EXD3: variants seen among roughly 807,000 people sequenced by gnomAD.
The protein encoded by EXD3 is exonuclease 3'-5' domain containing 3, also known as exonuclease mut-7 homolog.
EXD3 carries 92 observed loss-of-function variants against 98.0 expected under a neutral mutation model. That is an observed-to-expected ratio of 0.94 (90% CI 0.79 to 1.12). The LOEUF is 1.12. EXD3 is among the 50% of genes most tolerant of loss of function. The pLI is 0.00. For missense variants in EXD3, 1,222 were observed against 1,191.6 expected, an observed-to-expected ratio of 1.03 and a Z score of -0.38; for synonymous variants, 569 against 526.0, an observed-to-expected ratio of 1.08 and a Z score of -1.12.
chr9:137,333,399 C>G (rs1450597831), intron 17 of EXD3, among the ~76,000 whole-genome samples: 1 of 152,208 alleles, frequency 6.6e-6, no homozygotes, highest in Non-Finnish European at 1.5e-5. Context: ...TTCGTATGCA[C>G]ATCTATCCTA....
chr9:137,398,547 C>T (rs1490343033), intron 1 of EXD3, among the ~76,000 whole-genome samples: 1 of 151,226 alleles, frequency 6.6e-6, no homozygotes. Context: ...CAACCGCGTC[C>T]CCAAGACACA....
intron 19 of EXD3, among the ~76,000 whole-genome samples, chr9:137,314,807 C>A (rs1439649790): frequency 6.6e-6 from 1 of 152,186 alleles, no homozygotes; most frequent in Non-Finnish European, 1.5e-5. Context: ...ACCCCAGAGC[C>A]CCCAAAAGCC....
intron 1 of EXD3, among the ~76,000 whole-genome samples, chr9:137,411,787 C>T (rs1211058280): frequency 2.0e-5 from 3 of 151,586 alleles, no homozygotes; most frequent in South Asian, 2.1e-4. Flanking sequence ...TTCCTGTGGC[C>T]GCGGTGCACA....
chr9:137,356,659 C>T (rs770094006), intron 7 of EXD3, among the ~76,000 whole-genome samples: 1 of 152,152 alleles, frequency 6.6e-6, no homozygotes, highest in African/African-American at 2.4e-5. Flanking sequence ...GGTGGACTCC[C>T]GAAATAACAG....
chr9:137,410,217 G>A (rs935376926), intron 1 of EXD3, among the ~76,000 whole-genome samples: 2 of 151,826 alleles, frequency 1.3e-5, no homozygotes, highest in African/African-American at 2.4e-5. Context: ...GGGCACAGTG[G>A]CTCATGCCTG....
intron 17 of EXD3, among the ~76,000 whole-genome samples, chr9:137,328,593 TAC>T (rs1832645486): frequency 1.9e-5 from 1 of 52,002 alleles, no homozygotes; most frequent in Non-Finnish European, 3.7e-5. Context: ...TACACGGGAC[TAC>T]ACGGGACTAC....
At position 137,419,893 on chromosome 9, in the gene EXD3, C is replaced by G. The variant is rs577070183; in HGVS notation, c.-48+3221G>C. On this transcript the variant is annotated intron_variant, in intron 1 of 21. Transcript: ENST00000340951. Reference sequence around the variant, plus strand: ...AGAAAAAAGCGGCCGGGCGCGGTGGCTCATGCCTGTAATCCCAGCACTTTG... The same window carrying G: ...AGAAAAAAGCGGCCGGGCGCGGTGGGTCATGCCTGTAATCCCAGCACTTTG... 4.6e-5 allele frequency among the ~76,000 whole-genome samples: 7 copies of G among 152,262 alleles called. No homozygotes were observed. The South Asian group carries it at 1.5e-3, about 32-fold the overall frequency.
chr9:137,353,023 C>G, intron 10 of EXD3: 1 of 1,349,628 alleles, frequency 7.4e-7, no homozygotes, highest in South Asian at 1.7e-5. Context: ...AGTGTAGCCC[C>G]GGCTGGCCTT....
At chr9:137,364,419 C>T (rs865782113) in intron 7 of EXD3, among the ~76,000 whole-genome samples, 8 of 151,930 alleles carry the variant, frequency 5.3e-5, no homozygotes, top group Middle Eastern at 3.4e-3. Flanking sequence ...GTCAGGGGTT[C>T]GGGAGCAGCC....
At chr9:137,330,636 T>TACGCAGGACC (rs1313530178) in intron 17 of EXD3, among the ~76,000 whole-genome samples, 12 of 135,968 alleles carry the variant, frequency 8.8e-5, no homozygotes, top group African/African-American at 2.6e-4. Context: ...TACACAGGAC[T>TACGCAGGACC]ACACAGGAGC....
intron 17 of EXD3, among the ~76,000 whole-genome samples, chr9:137,326,903 G>A (rs1046433689): frequency 1.5e-4 from 23 of 151,658 alleles, no homozygotes; most frequent in African/African-American, 4.8e-4. Context: ...ATACATCAGT[G>A]TTCGTAGCAG....
At chr9:137,377,834 C>T (rs1835996917) in intron 3 of EXD3, among the ~76,000 whole-genome samples, 1 of 138,216 alleles carries the variant, frequency 7.2e-6, no homozygotes, top group African/African-American at 2.7e-5. Context: ...TGCTCTGTCG[C>T]CCAGGCTGGA....
In EXD3 at chr9:137,385,127, C is replaced by T. The variant is rs554663112; in HGVS notation, c.56-1750G>A. On this transcript the variant is annotated intron_variant, in intron 2 of 21. Coordinates refer to ENST00000340951, the MANE Select transcript of EXD3 (RefSeq NM_017820.5). The surrounding 1 kb of genome is among the most constrained non-coding windows in gnomAD (Gnocchi z 4.4). ...CAAAAAACCATAAAACACCGTGGGG[C>T]GCCCAGGCTCCACCATGGCGTCTCT... 9.2e-5 allele frequency among the ~76,000 whole-genome samples: 14 copies of T among 152,294 alleles called. No homozygotes were observed. The highest frequency in any genetic ancestry group is 2.2e-4 in the African/African-American group (9 of 41,578).
At chr9:137,367,875 A>T in intron 6 of EXD3, 61 bp downstream of exon 6, 1 of 1,521,028 alleles carries the variant, frequency 6.6e-7, no homozygotes, top group South Asian at 1.2e-5. Context: ...AACACTGTTT[A>T]TAGAGACCTG....
chr9:137,341,099 C>T (rs780650935), intron 17 of EXD3, among the ~76,000 whole-genome samples: 7 of 152,236 alleles, frequency 4.6e-5, no homozygotes, highest in South Asian at 2.1e-4. Flanking sequence ...GAGGGTCGCT[C>T]GAGGCCAGGA....
At chr9:137,352,309 G>A in intron 11 of EXD3, 108 bp from the exon 12 acceptor site, 1 of 1,471,856 alleles carries the variant, frequency 6.8e-7, no homozygotes, top group Non-Finnish European at 9.3e-7. Context: ...GGCATCTCAG[G>A]TCCTGGCTCC....
At chr9:137,417,253 ACGG>A (rs1838280307) in intron 1 of EXD3, among the ~76,000 whole-genome samples, 1 of 152,152 alleles carries the variant, frequency 6.6e-6, no homozygotes, top group South Asian at 2.1e-4. Context: ...CGCCGCAGGG[ACGG>A]GGATGGCCAG....
chr9:137,355,548 AG>A (rs1411459229), intron 8 of EXD3, among the ~76,000 whole-genome samples: 3 of 52,326 alleles, frequency 5.7e-5, no homozygotes, highest in African/African-American at 1.9e-4. Context: ...GGAAGGAGGA[AG>A]GAGGAAGGAG....
At position 137,415,708 on chromosome 9, in the gene EXD3, G is replaced by A. The variant is rs555276810; in HGVS notation, c.-48+7406C>T. 1.0e-3 allele frequency among the ~76,000 whole-genome samples: 157 copies of A among 152,324 alleles called. 1 individual carries two copies. The highest frequency in any genetic ancestry group is 3.5e-3 in the African/African-American group (145 of 41,586). On this transcript the variant is annotated intron_variant, in intron 1 of 21. Transcript: ENST00000340951. ...ACATGTTGGGGTCACCATCACAGACGGGGCTGGGGCCAACAGTCCCCCATC... is the reference window on the plus strand; with the variant it reads ...ACATGTTGGGGTCACCATCACAGACAGGGCTGGGGCCAACAGTCCCCCATC...
Sources: gnomAD v4.1 joint callset for allele counts (sites outside exome capture counted in the v4.1 genomes callset) on GRCh38, gnomAD v4.1.1 for gene constraint, Gnocchi (gnomAD v3.1) non-coding constraint, MANE v1.5 for transcripts, NCBI Gene and HGNC (gene_info 2026-07-23, HGNC 2026-07-21) for gene names.